NCOA2: variants seen among roughly 807,000 people sequenced by gnomAD.
NCOA2 encodes the protein class E basic helix-loop-helix protein 75.
NCOA2 carries 21 observed loss-of-function variants against 145.1 expected under a neutral mutation model. The observed-to-expected ratio is 0.14, with a 90% CI of 0.10 to 0.21. The LOEUF is 0.21. Among genes scored for constraint, NCOA2 ranks in the 10% least tolerant of loss-of-function variants. NCOA2 has a pLI of 1.00. For synonymous variants in NCOA2, 619 were observed against 637.5 expected (o/e 0.97, Z 0.44); for missense variants, 1,472 against 1,837.6 (o/e 0.80, Z 3.64).
intron 13 of NCOA2, among the ~76,000 whole-genome samples, chr8:70,143,034 C>T (rs534358952): frequency 2.6e-4 from 39 of 151,584 alleles, no homozygotes; most frequent in African/African-American, 9.0e-4. Context: ...ACTACAACCT[C>T]CGCCTCCTGG....
intron 2 of NCOA2, among the ~76,000 whole-genome samples, chr8:70,295,756 A>G (rs1157187565): frequency 3.3e-5 from 5 of 152,114 alleles, no homozygotes; most frequent in Non-Finnish European, 5.9e-5. Flanking sequence ...AGCCTGGCCA[A>G]TATGGTGAAA....
At chr8:70,420,423 C>T in the NCOA2 span, among the ~76,000 whole-genome samples, 2 of 152,140 alleles carry the variant, frequency 1.3e-5, no homozygotes, top group African/African-American at 4.8e-5. Context: ...GTCCCCCAAC[C>T]CCAGGTGAGT....
At chr8:70,276,656 A>T (rs948230668) in intron 2 of NCOA2, among the ~76,000 whole-genome samples, 1 of 152,142 alleles carries the variant, frequency 6.6e-6, no homozygotes. Context: ...GAAGGAAGAC[A>T]TATTTTCTTC....
At chr8:70,115,406 G>A (rs1391398380) in intron 22 of NCOA2, among the ~76,000 whole-genome samples, 7 of 152,208 alleles carry the variant, frequency 4.6e-5, no homozygotes, top group Admixed American at 3.3e-4. Context: ...GCTGTGCTCC[G>A]CACACACCTC....
At chr8:70,138,723 T>C (rs1241006086) in intron 14 of NCOA2, among the ~76,000 whole-genome samples, 1 of 152,254 alleles carries the variant, frequency 6.6e-6, no homozygotes, top group Non-Finnish European at 1.5e-5. Context: ...TAGATCCAAG[T>C]AAGTGGAAGA....
At chr8:70,407,589 C>T (rs527899892), upstream of NCOA2, among the ~76,000 whole-genome samples, 3 of 151,776 alleles carry the variant, frequency 2.0e-5, no homozygotes, top group Non-Finnish European at 4.4e-5. Context: ...GAGATTGAGA[C>T]CATCCTGGCC....
Position 70,120,651 on chromosome 8 carries a change from G to A in NCOA2, c.4383+651C>T, listed in dbSNP as rs552124412. On this transcript the variant is annotated intron_variant, in intron 22 of 22. Coordinates refer to ENST00000452400, the MANE Select transcript of NCOA2 (RefSeq NM_006540.4). The stretch of plus-strand genomic sequence containing the variant: ...CAGGAGAGTTGCCTGAACCCGCGAG[G>A]TGGAGGTTGCAGTGAGCCAAGACTG... 3.3e-5 allele frequency among the ~76,000 whole-genome samples: 5 copies of A among 152,310 alleles called. No individual in the cohort carries two copies. The East Asian group carries it at 9.6e-4, about 29-fold the overall frequency.
chr8:70,392,000 TACTC>T (rs1427276159), intron 1 of NCOA2, among the ~76,000 whole-genome samples: 32 of 152,344 alleles, frequency 2.1e-4, no homozygotes, highest in African/African-American at 7.0e-4. Flanking sequence ...CCAATATACA[TACTC>T]ACAACCACAC....
Position 70,144,826 on chromosome 8 carries a change from C to T in NCOA2, c.2628G>A (p.Gly876=). ...GGTTTGGCAATAACCTGCCCAGTTG[C>T]CCTGGTCGTGGGTTATTAAAAGCTA... is the stretch of plus-strand genomic sequence containing the variant. ...SQSTFNNPRP[G]QLGRLLPNQN... Residue 876 remains glycine (G), a synonymous_variant, in exon 13 of 23, where the codon GGG becomes GGA. Transcript: ENST00000452400. 3 of 1,613,868 alleles carry T rather than the reference C, an allele frequency of 1.9e-6. No homozygotes were observed. The highest frequency in any genetic ancestry group is 1.3e-5 in the African/African-American group (1 of 74,990).
Position 70,111,922 on chromosome 8 carries a change from TA to T in NCOA2, c.*1709del, listed in dbSNP as rs1213794791. ...TCTGAAATTTAGGTAAGAAAGGTAT[TA>T]GGGGTTAAGGAGAAATAGCTCAAAA... On this transcript the variant is annotated 3_prime_UTR_variant, in exon 23 of 23. Transcript: ENST00000452400. The T allele has an allele frequency of 4.5e-6, 1 of 221,798 alleles. No homozygotes were observed. The highest frequency in any genetic ancestry group is 6.6e-5 in the East Asian group (1 of 15,130). The allele number at this position is 221,798 out of a possible 1,614,324, so 13.7% of individuals were successfully genotyped here.
At chr8:70,349,755 A>G (rs897596619) in intron 1 of NCOA2, among the ~76,000 whole-genome samples, 18 of 152,142 alleles carry the variant, frequency 1.2e-4, no homozygotes, top group African/African-American at 4.3e-4. Context: ...TTACTATTCT[A>G]TTATGTATGT....
intron 1 of NCOA2, among the ~76,000 whole-genome samples, chr8:70,302,895 T>A (rs1384899215): frequency 2.0e-5 from 3 of 152,200 alleles, no homozygotes; most frequent in African/African-American, 7.2e-5. Context: ...AAGCTACAGT[T>A]ACATACACAT....
intron 4 of NCOA2, among the ~76,000 whole-genome samples, chr8:70,186,086 C>T (rs1221844168): frequency 6.6e-6 from 1 of 152,106 alleles, no homozygotes; most frequent in Non-Finnish European, 1.5e-5. Context: ...CTCACTCTCT[C>T]TCTCTCTTTC....
chr8:70,281,467 A>G, intron 2 of NCOA2, among the ~76,000 whole-genome samples: 1 of 152,010 alleles, frequency 6.6e-6, no homozygotes, highest in East Asian at 1.9e-4. Context: ...GAGCATAAGC[A>G]GCTGGTGATA....
intron 11 of NCOA2, among the ~76,000 whole-genome samples, chr8:70,154,651 C>T (rs192231054): frequency 6.6e-6 from 1 of 152,296 alleles, no homozygotes; most frequent in East Asian, 1.9e-4. Context: ...CAGTCCTCCA[C>T]CTTGGCCTCC....
chr8:70,225,636 T>C (rs1308262368), intron 2 of NCOA2, among the ~76,000 whole-genome samples: 1 of 151,642 alleles, frequency 6.6e-6, no homozygotes, highest in Non-Finnish European at 1.5e-5. Context: ...GAGTATAATG[T>C]AGATGGGGTG....
chr8:70,351,288 T>C (rs2130820782), intron 1 of NCOA2, among the ~76,000 whole-genome samples: 1 of 152,288 alleles, frequency 6.6e-6, no homozygotes, highest in East Asian at 1.9e-4. Context: ...GGTTATACAT[T>C]TTAGCCAACA....
intron 2 of NCOA2, among the ~76,000 whole-genome samples, chr8:70,290,281 T>G (rs1423365076): frequency 6.6e-6 from 1 of 150,742 alleles, no homozygotes; most frequent in African/African-American, 2.4e-5. Context: ...CTCCGCCTCC[T>G]GGGTTCACAC....
chr8:70,427,521 C>A, the NCOA2 span, among the ~76,000 whole-genome samples: 3,176 of 128,048 alleles, frequency 0.025, 114 homozygotes, highest in African/African-American at 0.09. Flanking sequence ...AGTGTTATAT[C>A]ATTTAAATAT....
Sources: allele counts gnomAD v4.1 joint callset (sites outside exome capture counted in the v4.1 genomes callset), GRCh38; gene constraint gnomAD v4.1.1; transcripts MANE v1.5; gene names NCBI Gene and HGNC (gene_info 2026-07-23, HGNC 2026-07-21).